Variants in MGLL observed in about 807,000 individuals in gnomAD.
MGLL encodes monoglyceride lipase, also known as lysophospholipase homolog.
Under a neutral mutation model 29.1 loss-of-function variants are expected in MGLL, and 7 were observed. The observed-to-expected ratio is 0.24, with a 90% CI of 0.14 to 0.45. The LOEUF (loss-of-function observed/expected upper bound fraction) is 0.45. MGLL is among the 20% of genes least tolerant of loss of function. MGLL has a pLI of 0.99. For synonymous variants in MGLL, 148 were observed against 168.3 expected (o/e 0.88, Z 0.93); for missense variants, 356 against 413.6 (o/e 0.86, Z 1.21).
At chr3:127,806,394 T>C (rs934342578) in intron 2 of MGLL, among the ~76,000 whole-genome samples, 1 of 152,148 alleles carries the variant, frequency 6.6e-6, no homozygotes, top group Admixed American at 6.5e-5. Flanking sequence ...AGTAAATGTG[T>C]GGATGGGTGG....
intron 3 of MGLL, among the ~76,000 whole-genome samples, chr3:127,778,415 C>T (rs1318638140): frequency 6.6e-6 from 1 of 152,220 alleles, no homozygotes; most frequent in Non-Finnish European, 1.5e-5. Context: ...GGGTACACAG[C>T]ACAGCAGCCA....
intron 2 of MGLL, chr3:127,799,496 A>AG (rs2077441030): frequency 6.6e-6 from 1 of 152,200 alleles, no homozygotes. Flanking sequence ...AGAAGGTGAA[A>AG]GAGATTACGC....
At chr3:127,711,158 C>A in intron 5 of MGLL, 1 of 196,938 alleles carries the variant, frequency 5.1e-6, no homozygotes, top group Non-Finnish European at 1.1e-5. Context: ...AGAAATAGCA[C>A]CAGCTCGATG....
intron 5 of MGLL, among the ~76,000 whole-genome samples, chr3:127,715,268 G>A (rs377320262): frequency 2.6e-5 from 4 of 152,280 alleles, no homozygotes; most frequent in East Asian, 1.9e-4. Context: ...AGGTGTACAC[G>A]TCCCTGCAGG....
chr3:127,734,525 G>T (rs750992808), intron 3 of MGLL, among the ~76,000 whole-genome samples: 9 of 152,152 alleles, frequency 5.9e-5, no homozygotes, highest in Non-Finnish European at 1.2e-4. Context: ...TCCTTCGCAG[G>T]TGCCAACCAC....
intron 2 of MGLL, among the ~76,000 whole-genome samples, chr3:127,809,958 G>T (rs1269795256): frequency 6.6e-6 from 1 of 152,160 alleles, no homozygotes; most frequent in Non-Finnish European, 1.5e-5. Context: ...TAGACATTTA[G>T]CCACATAAAA....
chr3:127,742,561 G>A (rs959883246), intron 3 of MGLL, among the ~76,000 whole-genome samples: 19 of 124,266 alleles, frequency 1.5e-4, no homozygotes, highest in African/African-American at 5.9e-4. Context: ...CTGCACTCCA[G>A]CCTGGGAGAC....
In MGLL at chr3:127,786,314, G is replaced by A. The variant is rs9881235; in HGVS notation, c.156-4419C>T. 6.0e-3 allele frequency among the ~76,000 whole-genome samples: 918 copies of A among 152,356 alleles called. 10 individuals carry two copies. Among genetic ancestry groups the A allele is most frequent in the African/African-American group, 0.02 (846 of 41,576 alleles). On this transcript the variant is annotated intron_variant, in intron 2 of 7. Transcript: ENST00000265052. ...TGGTTCCTGCCCTTCTTCCCCTGCC[G>A]TTCTGCAACCTCAACAACAGGCAGC...
At chr3:127,790,645 A>G (rs1371009046) in intron 2 of MGLL, among the ~76,000 whole-genome samples, 1 of 152,160 alleles carries the variant, frequency 6.6e-6, no homozygotes. Flanking sequence ...CCACTTCAGA[A>G]TCCTGAGTTG....
intron 6 of MGLL, among the ~76,000 whole-genome samples, chr3:127,700,809 GC>G (rs1303884943): frequency 6.6e-6 from 1 of 152,216 alleles, no homozygotes; most frequent in African/African-American, 2.4e-5. Context: ...TGGCCTTTCT[GC>G]GTGCACACGT....
intron 2 of MGLL, among the ~76,000 whole-genome samples, chr3:127,812,284 T>G (rs1376326066): frequency 1.3e-5 from 2 of 152,188 alleles, no homozygotes; most frequent in Non-Finnish European, 2.9e-5. Flanking sequence ...AAAAGAAAAG[T>G]GTTGAGCTAC....
At chr3:127,776,394 C>G (rs1358600798) in intron 3 of MGLL, among the ~76,000 whole-genome samples, 5 of 152,116 alleles carry the variant, frequency 3.3e-5, no homozygotes, top group Non-Finnish European at 7.4e-5. Flanking sequence ...GGAGCCCAGG[C>G]TTCAGGATTT....
chr3:127,767,066 C>G (rs1179255244), intron 3 of MGLL, among the ~76,000 whole-genome samples: 1 of 30,470 alleles, frequency 3.3e-5, no homozygotes, highest in Non-Finnish European at 7.9e-5. Flanking sequence ...GAGTGAGACT[C>G]TATCAAAAAA....
intron 3 of MGLL, among the ~76,000 whole-genome samples, chr3:127,756,758 C>T (rs2076672185): frequency 6.6e-6 from 1 of 152,164 alleles, no homozygotes; most frequent in Non-Finnish European, 1.5e-5. Context: ...TTATTTCTAG[C>T]AGTCAAACTT....
intron 3 of MGLL, among the ~76,000 whole-genome samples, chr3:127,751,183 A>G (rs2076551124): frequency 6.6e-6 from 1 of 152,068 alleles, no homozygotes; most frequent in South Asian, 2.1e-4. Context: ...TCTCTGAAAC[A>G]CACTGCTCTC....
At chr3:127,740,281 C>A (rs761230488) in intron 3 of MGLL, among the ~76,000 whole-genome samples, 1 of 152,232 alleles carries the variant, frequency 6.6e-6, no homozygotes, top group Non-Finnish European at 1.5e-5. Flanking sequence ...GCTTCGAACC[C>A]TGCCATCCTC....
In MGLL at chr3:127,822,488, G is replaced by A; in HGVS notation, c.-170C>T. 1.5e-6 allele frequency: 1 copy of A among 681,434 alleles called. No individual in the cohort carries two copies. The highest frequency in any genetic ancestry group is 2.6e-6 in the Non-Finnish European group (1 of 389,802). The allele number at this position is 681,434 out of a possible 1,614,324, so 42.2% of individuals were successfully genotyped here. A position where few individuals can be genotyped will look rare whatever the true frequency, so the allele number is the denominator to read the frequency against. ...GGCTGGGGCGCTCAGCCGGGAGCCT[G>A]CTTCCAGCTCCCACCGGCAGGCTCT... On this transcript the variant is annotated 5_prime_UTR_variant, in exon 1 of 8. Coordinates refer to ENST00000265052, the MANE Select transcript of MGLL (RefSeq NM_007283.7).
chr3:127,748,411 AGAGAGAGAGAGAGAGAGG>A (rs1322583467), intron 3 of MGLL, among the ~76,000 whole-genome samples: 4 of 117,810 alleles, frequency 3.4e-5, no homozygotes, highest in Non-Finnish European at 6.2e-5. Context: ...AGAGAGAAAG[AGAGAGAGAGAGAGAGAGG>A]GAGAGAGAGA....
At chr3:127,697,718 G>A (rs1321488710) in intron 6 of MGLL, among the ~76,000 whole-genome samples, 1 of 152,222 alleles carries the variant, frequency 6.6e-6, no homozygotes, top group Non-Finnish European at 1.5e-5. Context: ...GAAAGAGTCA[G>A]GGCCGTGTGG....
Sources: allele counts gnomAD v4.1 joint callset (sites outside exome capture counted in the v4.1 genomes callset), GRCh38; gene constraint gnomAD v4.1.1; transcripts MANE v1.5; gene names NCBI Gene and HGNC (gene_info 2026-07-23, HGNC 2026-07-21).